SEMA4D: variants seen among roughly 807,000 people sequenced by gnomAD.
SEMA4D encodes semaphorin-4D.
In SEMA4D, 22 loss-of-function variants were observed where a neutral mutation model predicts 74.8. The observed-to-expected ratio is 0.29, with a 90% CI of 0.21 to 0.42. SEMA4D has a LOEUF of 0.42. Among genes scored for constraint, SEMA4D ranks in the 10% least tolerant of loss-of-function variants. SEMA4D has a pLI of 1.00. For synonymous variants in SEMA4D, 445 were observed against 463.7 expected, an observed-to-expected ratio of 0.96 and a Z score of 0.52; for missense variants, 937 against 1,118.4, an observed-to-expected ratio of 0.84 and a Z score of 2.31.
At chr9:89,429,337 C>T (rs992654881) in intron 2 of SEMA4D, among the ~76,000 whole-genome samples, 2 of 152,176 alleles carry the variant, frequency 1.3e-5, no homozygotes, top group Non-Finnish European at 2.9e-5. Context: ...TCAGGGTGAG[C>T]GCCTTCTTGG....
chr9:89,425,070 C>T (rs1847824208), intron 2 of SEMA4D, among the ~76,000 whole-genome samples: 2 of 152,194 alleles, frequency 1.3e-5, no homozygotes, highest in African/African-American at 4.8e-5. Flanking sequence ...GACCCAGCCC[C>T]CCAGATATTC....
chr9:89,473,568 A>G (rs950048172), intron 1 of SEMA4D, among the ~76,000 whole-genome samples: 1 of 151,824 alleles, frequency 6.6e-6, no homozygotes, highest in Non-Finnish European at 1.5e-5. Flanking sequence ...CCTGTCTCAA[A>G]AACAACGGCC....
chr9:89,496,396 C>T (rs977494114), intron 1 of SEMA4D, among the ~76,000 whole-genome samples: 3 of 152,148 alleles, frequency 2.0e-5, no homozygotes, highest in Non-Finnish European at 2.9e-5. Context: ...AACTCCTAAG[C>T]GGCCCACCCT....
chr9:89,404,261 G>A (rs572094803), intron 3 of SEMA4D, among the ~76,000 whole-genome samples: 4 of 152,340 alleles, frequency 2.6e-5, no homozygotes, highest in East Asian at 3.9e-4. Flanking sequence ...CTTCTCAGGC[G>A]CCTGGAGCAG....
rs114226163 is a variant in SEMA4D, at chr9:89,387,693, G to T, written c.1108-85C>A. 2,330 of 1,198,810 alleles carry T rather than the reference G, an allele frequency of 1.9e-3. 33 individuals carry two copies. In the African/African-American group the frequency reaches 0.031, roughly 16 times the overall value. The allele number at this position is 1,198,810 out of a possible 1,614,324, so 74.3% of individuals were successfully genotyped here. On this transcript the variant is annotated intron_variant, in intron 11 of 15. Transcript: ENST00000422704. The stretch of plus-strand genomic sequence containing the variant: ...CCACACAAGCAGCCAACGCAGGGGG[G>T]GCTGCAAAACCTGGAAACCACACAA...
At chr9:89,387,905 A>G (rs1838902349) in intron 11 of SEMA4D, among the ~76,000 whole-genome samples, 1 of 152,260 alleles carries the variant, frequency 6.6e-6, no homozygotes, top group South Asian at 2.1e-4. Context: ...TTTGAAATTA[A>G]AAAACAGAAC....
exon 19 of SEMA4D, chr9:89,362,156 T>TA: frequency 3.3e-6 from 2 of 602,796 alleles, no homozygotes; most frequent in South Asian, 2.0e-5. Context: ...AGACAGAACT[T>TA]ACTGTCCCAG....
At position 89,381,206 on chromosome 9, in the gene SEMA4D, G is replaced by A. The variant is rs752697656; in HGVS notation, c.1587C>T (p.Cys529=). Residue 529 remains cysteine (C), a synonymous_variant, in exon 14 of 16, where the codon TGC becomes TGT. Transcript: ENST00000422704. This position sits in a 1 kb window ranked among gnomAD's most constrained non-coding sequence, Gnocchi z 4.6. ...YCAWSPPTAT[C]VALHQTESPS... ...GGCTCTCGGTCTGGTGCAGAGCCAC[G>A]CAGGTCGCTGTGGGCGGGCTCCAGG... 8 of 1,609,908 alleles carry A rather than the reference G, an allele frequency of 5.0e-6. No homozygotes were observed. The highest frequency in any genetic ancestry group is 1.7e-5 in the Admixed American group (1 of 59,966).
At chr9:89,441,824 G>A (rs1851733361) in intron 2 of SEMA4D, among the ~76,000 whole-genome samples, 1 of 152,174 alleles carries the variant, frequency 6.6e-6, no homozygotes, top group African/African-American at 2.4e-5. Flanking sequence ...TTAAACTTCA[G>A]CTTCTGATCT....
chr9:89,482,104 A>T (rs1446915250), intron 1 of SEMA4D, among the ~76,000 whole-genome samples: 1 of 152,212 alleles, frequency 6.6e-6, no homozygotes, highest in Non-Finnish European at 1.5e-5. Flanking sequence ...GAGCCGACCC[A>T]GCTGCTCTAA....
intron 1 of SEMA4D, among the ~76,000 whole-genome samples, chr9:89,489,495 A>G (rs1825462501): frequency 6.6e-6 from 1 of 152,196 alleles, no homozygotes; most frequent in Non-Finnish European, 1.5e-5. Context: ...TTAAGTGTTC[A>G]CTTCCCATTC....
intron 16 of SEMA4D, among the ~76,000 whole-genome samples, chr9:89,370,708 CAT>C (rs1834451843): frequency 7.4e-6 from 1 of 134,552 alleles, no homozygotes; most frequent in Admixed American, 7.7e-5. Flanking sequence ...ATGTGGCTAG[CAT>C]AGTCTATGTA....
At chr9:89,419,125 C>T (rs1226994376) in intron 2 of SEMA4D, among the ~76,000 whole-genome samples, 4 of 152,074 alleles carry the variant, frequency 2.6e-5, no homozygotes, top group African/African-American at 2.4e-5. Context: ...GCCGACACAT[C>T]CTCTGAACCC....
chr9:89,379,189 C>CA lies in SEMA4D; in HGVS notation c.2103dup (p.Ala702CysfsTer28). 6.2e-7 allele frequency: 1 copy of CA among 1,614,070 alleles called. No homozygotes were observed. The highest frequency in any genetic ancestry group is 8.5e-7 in the Non-Finnish European group (1 of 1,179,998). ...GGTTCGCAGGATGTGCCGGTGGGCG[C>CA]AGGCTTGGGAGGAAGGGTGATGGCC... On this transcript the variant is annotated frameshift_variant, in exon 16 of 16. Transcript: ENST00000422704. LOFTEE classifies it high-confidence loss of function.
chr9:89,466,201 A>C (rs974861562), intron 1 of SEMA4D, among the ~76,000 whole-genome samples: 1 of 152,170 alleles, frequency 6.6e-6, no homozygotes, highest in Non-Finnish European at 1.5e-5. Flanking sequence ...GGGATCAGGC[A>C]CACGAAATGC....
At chr9:89,362,999 C>A (rs1046642372) in intron 18 of SEMA4D, among the ~76,000 whole-genome samples, 2 of 152,180 alleles carry the variant, frequency 1.3e-5, no homozygotes, top group African/African-American at 4.8e-5. Flanking sequence ...GGAAGCCACT[C>A]CCCCTGACCC....
At chr9:89,468,875 C>T (rs1859436533) in intron 1 of SEMA4D, among the ~76,000 whole-genome samples, 1 of 152,124 alleles carries the variant, frequency 6.6e-6, no homozygotes, top group South Asian at 2.1e-4. Context: ...AAAGGCTACC[C>T]CAGGGCTTAA....
chr9:89,455,045 GT>G, intron 2 of SEMA4D, among the ~76,000 whole-genome samples: 1 of 152,384 alleles, frequency 6.6e-6, no homozygotes, highest in East Asian at 1.9e-4. Flanking sequence ...TTGGGAGGGG[GT>G]GGGGACAGGG....
Position 89,405,605 on chromosome 9 carries a change from T to G in SEMA4D, c.-149A>C, listed in dbSNP as rs1843162025. The G allele has an allele frequency of 9.7e-6, 14 of 1,441,464 alleles. No homozygotes were observed. In the South Asian group the frequency reaches 2.0e-4, roughly 21 times the overall value. The allele number at this position is 1,441,464 out of a possible 1,614,324, so 89.3% of individuals were successfully genotyped here. A position where few individuals can be genotyped will look rare whatever the true frequency, so the allele number is the denominator to read the frequency against. The stretch of plus-strand genomic sequence containing the variant: ...TCGTGAACAGCGCGGTCCCTGAGAA[T>G]CCACATTTCCCAGTTCTCCAGGTGA... On this transcript the variant is annotated 5_prime_UTR_variant, in exon 3 of 16. Coordinates refer to ENST00000422704, the MANE Select transcript of SEMA4D (RefSeq NM_001371194.2).
Sources: gnomAD v4.1 joint callset for allele counts (sites outside exome capture counted in the v4.1 genomes callset) on GRCh38, gnomAD v4.1.1 for gene constraint, Gnocchi (gnomAD v3.1) non-coding constraint, MANE v1.5 for transcripts, NCBI Gene and HGNC (gene_info 2026-07-23, HGNC 2026-07-21) for gene names.